The following ROBO2 variants were observed in gnomAD, a reference collection of about 807,000 sequenced individuals.
ROBO2 encodes roundabout homolog 2.
Under a neutral mutation model 160.8 loss-of-function variants are expected in ROBO2, and 53 were observed. The ratio of observed to expected loss-of-function variants is 0.33; its 90% CI spans 0.26 to 0.41. The LOEUF (loss-of-function observed/expected upper bound fraction) is 0.41, where lower values mean the gene tolerates loss of function less well. ROBO2 is among the 10% of genes least tolerant of loss of function. The pLI, the probability that ROBO2 is intolerant of heterozygous loss-of-function variation, is 1.00. For missense variants in ROBO2, 1,577 were observed against 1,722.4 expected, an observed-to-expected ratio of 0.92 and a Z score of 1.49; for synonymous variants, 664 against 611.7, an observed-to-expected ratio of 1.09 and a Z score of -1.26.
chr3:76,203,171 G>T (rs916274774), intron 2 of ROBO2, among the ~76,000 whole-genome samples: 1 of 152,102 alleles, frequency 6.6e-6, no homozygotes, highest in African/African-American at 2.4e-5. Context: ...GATCCACACT[G>T]CTACCCTCTC....
intron 2 of ROBO2, among the ~76,000 whole-genome samples, chr3:76,094,335 G>A (rs551116478): frequency 9.2e-5 from 14 of 152,206 alleles, no homozygotes; most frequent in Admixed American, 4.6e-4. Context: ...AGGGCAGGCA[G>A]CCCTCACTAA....
intron 2 of ROBO2, among the ~76,000 whole-genome samples, chr3:77,406,098 G>T (rs112794563): frequency 0.015 from 2,296 of 152,306 alleles, 69 homozygotes; most frequent in African/African-American, 0.053. Flanking sequence ...TACAGTCATG[G>T]CAGAAGGTGA....
At chr3:77,357,334 A>G (rs1013216756) in intron 2 of ROBO2, among the ~76,000 whole-genome samples, 1 of 152,082 alleles carries the variant, frequency 6.6e-6, no homozygotes, top group Non-Finnish European at 1.5e-5. Context: ...ATGGGAGTTA[A>G]GTTCCTGATG....
intron 4 of ROBO2, among the ~76,000 whole-genome samples, chr3:77,488,638 C>A (rs77438500): frequency 6.6e-6 from 1 of 152,106 alleles, no homozygotes; most frequent in Admixed American, 6.5e-5. Flanking sequence ...TATCAACTTA[C>A]TTTCTAATCC....
intron 2 of ROBO2, among the ~76,000 whole-genome samples, chr3:77,199,417 C>T (rs1171503472): frequency 6.6e-6 from 1 of 152,054 alleles, no homozygotes; most frequent in Non-Finnish European, 1.5e-5. Context: ...CTTTAAATGA[C>T]GGTGGTCAGG....
intron 2 of ROBO2, among the ~76,000 whole-genome samples, chr3:76,319,493 A>G (rs1346466891): frequency 6.6e-6 from 1 of 152,040 alleles, no homozygotes; most frequent in Non-Finnish European, 1.5e-5. Context: ...GGTGTCTTCA[A>G]CTAAGTTAAA....
At chr3:77,056,359 T>G (rs184312465) in intron 1 of ROBO2, among the ~76,000 whole-genome samples, 195 of 152,312 alleles carry the variant, frequency 1.3e-3, no homozygotes, top group Middle Eastern at 6.8e-3. Context: ...TTTTGTTGGA[T>G]GAGATTCACT....
intron 2 of ROBO2, among the ~76,000 whole-genome samples, chr3:76,015,005 A>G (rs1347649038): frequency 6.6e-6 from 1 of 152,196 alleles, no homozygotes; most frequent in Non-Finnish European, 1.5e-5. Flanking sequence ...ACTTGAGCTA[A>G]TATCAATCTG....
At chr3:76,063,793 TG>T (rs2068147953) in intron 2 of ROBO2, among the ~76,000 whole-genome samples, 1 of 152,194 alleles carries the variant, frequency 6.6e-6, no homozygotes, top group Admixed American at 6.5e-5. Flanking sequence ...ACATGTGCTT[TG>T]TTTAATACCC....
intron 2 of ROBO2, among the ~76,000 whole-genome samples, chr3:75,963,582 G>A (rs1309096312): frequency 2.6e-5 from 4 of 151,796 alleles, no homozygotes; most frequent in Non-Finnish European, 5.9e-5. Flanking sequence ...TAACGTAGTT[G>A]GGTGCTGGCT....
chr3:77,536,374 T>C (rs2092102241), intron 6 of ROBO2, among the ~76,000 whole-genome samples: 2 of 151,834 alleles, frequency 1.3e-5, no homozygotes, highest in African/African-American at 4.8e-5. Context: ...TCAAATTTGT[T>C]TCTCTCTCTC....
At chr3:77,264,431 T>C (rs1454921403) in intron 2 of ROBO2, among the ~76,000 whole-genome samples, 2 of 152,216 alleles carry the variant, frequency 1.3e-5, no homozygotes, top group Non-Finnish European at 2.9e-5. Context: ...ATCTGGATTT[T>C]TTTTCTCCTG....
At chr3:77,546,588 T>A in intron 7 of ROBO2, 126 bp downstream of exon 8, 1 of 1,211,934 alleles carries the variant, frequency 8.3e-7, no homozygotes, top group Non-Finnish European at 1.2e-6. Context: ...AAAAAGAGAC[T>A]GGTGAATGTA....
chr3:77,568,269 T>C, intron 12 of ROBO2, 44 bp from the exon 14 acceptor site: 1 of 1,606,716 alleles, frequency 6.2e-7, no homozygotes, highest in Non-Finnish European at 8.5e-7. Context: ...GTAATTTTAA[T>C]ATGAATTTTT....
At chr3:76,704,977 T>C (rs921287332) in intron 2 of ROBO2, among the ~76,000 whole-genome samples, 1 of 152,140 alleles carries the variant, frequency 6.6e-6, no homozygotes, top group Admixed American at 6.6e-5. Flanking sequence ...GCCTGTGGAC[T>C]TTTTCTGGGT....
intron 2 of ROBO2, among the ~76,000 whole-genome samples, chr3:75,991,101 G>A (rs1255675520): frequency 6.6e-6 from 1 of 152,146 alleles, no homozygotes; most frequent in African/African-American, 2.4e-5. Context: ...ACATCAGATG[G>A]TGGGACTGGT....
Position 76,624,988 on chromosome 3 carries a change from C to T in ROBO2, c.110-473026C>T, listed in dbSNP as rs117497157. Among the ~76,000 whole-genome samples the T allele has an allele frequency of 7.2e-5, 11 of 151,910 alleles. 1 individual carries two copies. In the East Asian group the frequency reaches 2.1e-3, roughly 29 times the overall value. The stretch of plus-strand genomic sequence containing the variant: ...ATGCGGTTCTAAATCATTTCTAATG[C>T]TATAGCTTCTAATCACAAGTTTGCA... On this transcript the variant is annotated intron_variant, in intron 2 of 26. Coordinates refer to the ROBO2 transcript ENST00000487694.
intron 2 of ROBO2, among the ~76,000 whole-genome samples, chr3:76,030,383 C>A (rs936157279): frequency 6.6e-6 from 1 of 151,998 alleles, no homozygotes; most frequent in Admixed American, 6.6e-5. Context: ...AGATCCCATT[C>A]ATCTATCTTG....
intron 2 of ROBO2, among the ~76,000 whole-genome samples, chr3:76,716,841 C>T (rs960601339): frequency 3.3e-5 from 5 of 152,180 alleles, no homozygotes; most frequent in Non-Finnish European, 7.3e-5. Context: ...CTCTGCCCCA[C>T]ATTAACTGAC....
Sources: gnomAD v4.1 joint callset for allele counts (sites outside exome capture counted in the v4.1 genomes callset) on GRCh38, gnomAD v4.1.1 for gene constraint, MANE v1.5 for transcripts, NCBI Gene and HGNC (gene_info 2026-07-23, HGNC 2026-07-21) for gene names.